The following GRM7 variants were observed in gnomAD, a reference collection of about 807,000 sequenced individuals.
GRM7 encodes glutamate metabotropic receptor 7.
Under a neutral mutation model 84.5 loss-of-function variants are expected in GRM7, and 35 were observed. The ratio of observed to expected loss-of-function variants is 0.41; its 90% CI spans 0.32 to 0.55. The LOEUF (loss-of-function observed/expected upper bound fraction) is 0.55, where lower values mean the gene tolerates loss of function less well. Among genes scored for constraint, GRM7 ranks in the 20% least tolerant of loss-of-function variants. The pLI, the probability that GRM7 is intolerant of heterozygous loss-of-function variation, is 0.19. For missense variants in GRM7, 1,003 were observed against 1,194.6 expected, an observed-to-expected ratio of 0.84 and a Z score of 2.36; for synonymous variants, 487 against 455.1, an observed-to-expected ratio of 1.07 and a Z score of -0.89.
intron 1 of GRM7, among the ~76,000 whole-genome samples, chr3:7,073,574 A>T (rs535577837): frequency 2.4e-4 from 36 of 152,120 alleles, no homozygotes; most frequent in African/African-American, 8.4e-4. Flanking sequence ...CTAAGTGACT[A>T]TTGGAGTTAG....
At chr3:7,250,744 G>A (rs1038561891) in intron 2 of GRM7, among the ~76,000 whole-genome samples, 3 of 151,952 alleles carry the variant, frequency 2.0e-5, no homozygotes, top group Non-Finnish European at 4.4e-5. Context: ...GGCTGGTCTC[G>A]AACTCCTGAC....
At chr3:7,253,012 TAAAA>T (rs539835390) in intron 2 of GRM7, among the ~76,000 whole-genome samples, 2 of 70,808 alleles carry the variant, frequency 2.8e-5, no homozygotes, top group African/African-American at 5.7e-5. Context: ...TGGCTTTTCT[TAAAA>T]AAAAAAAAAA....
chr3:6,926,014 G>C (rs1226880863), intron 1 of GRM7, among the ~76,000 whole-genome samples: 3 of 152,080 alleles, frequency 2.0e-5, no homozygotes, highest in Admixed American at 6.6e-5. Context: ...TGCTCAGACT[G>C]GGATTTCGTG....
chr3:7,290,906 A>G (rs1699596663), intron 2 of GRM7, among the ~76,000 whole-genome samples: 1 of 151,834 alleles, frequency 6.6e-6, no homozygotes, highest in Admixed American at 6.6e-5. Context: ...AAGATCAAGA[A>G]CCCTGTATCT....
intron 1 of GRM7, among the ~76,000 whole-genome samples, chr3:7,095,763 A>AT (rs1423152149): frequency 6.6e-6 from 1 of 151,992 alleles, no homozygotes; most frequent in Non-Finnish European, 1.5e-5. Context: ...ATGTAGCCAT[A>AT]TTTTTTTCTA....
intron 1 of GRM7, among the ~76,000 whole-genome samples, chr3:7,119,753 C>G (rs924585239): frequency 6.6e-6 from 1 of 152,108 alleles, no homozygotes; most frequent in South Asian, 2.1e-4. Flanking sequence ...CATCTATACA[C>G]AAACACTGTT....
rs550187265 is a variant in GRM7, at chr3:7,626,278, A to G, written c.2451+46921A>G. 8.5e-5 allele frequency among the ~76,000 whole-genome samples: 13 copies of G among 152,242 alleles called. No individual in the cohort carries two copies. In the East Asian group the frequency reaches 1.5e-3, roughly 18 times the overall value. On this transcript the variant is annotated intron_variant, in intron 8 of 9. Coordinates refer to ENST00000357716, the MANE Select transcript of GRM7 (RefSeq NM_000844.4). ...TAGCCATTCTAGAAATAGCAGTTCT[A>G]TGGAGTAAGTAGATACATTAAACTT...
At chr3:7,228,854 A>G (rs776374618) in intron 2 of GRM7, among the ~76,000 whole-genome samples, 13 of 152,250 alleles carry the variant, frequency 8.5e-5, no homozygotes, top group Non-Finnish European at 1.6e-4. Context: ...ATGGGAAAGT[A>G]TAATAGCTTT....
At chr3:7,640,925 C>G (rs954610411) in intron 8 of GRM7, among the ~76,000 whole-genome samples, 3 of 152,136 alleles carry the variant, frequency 2.0e-5, no homozygotes, top group African/African-American at 7.2e-5. Flanking sequence ...CCTCTGACAG[C>G]TATTTTTTCC....
chr3:7,408,888 CCTAA>C (rs951091568), intron 4 of GRM7, among the ~76,000 whole-genome samples: 26 of 152,172 alleles, frequency 1.7e-4, no homozygotes, highest in African/African-American at 6.0e-4. Flanking sequence ...ATGTTAAATT[CCTAA>C]CTAAGATTCA....
chr3:7,631,950 T>C (rs1697876518), intron 8 of GRM7, among the ~76,000 whole-genome samples: 1 of 152,160 alleles, frequency 6.6e-6, no homozygotes, highest in South Asian at 2.1e-4. Context: ...GTGGAACTAA[T>C]ATACGTTAGG....
At chr3:6,979,105 C>T (rs570495295) in intron 1 of GRM7, among the ~76,000 whole-genome samples, 5 of 152,016 alleles carry the variant, frequency 3.3e-5, no homozygotes, top group East Asian at 1.9e-4. Flanking sequence ...CAGTAAGTAT[C>T]GACACTAAAA....
intron 7 of GRM7, among the ~76,000 whole-genome samples, chr3:7,476,626 ATTG>A (rs1698932609): frequency 6.6e-6 from 1 of 152,162 alleles, no homozygotes; most frequent in African/African-American, 2.4e-5. Context: ...GACTACTATT[ATTG>A]TTGTTGCTAC....
chr3:6,969,896 C>T (rs1229763969), intron 1 of GRM7, among the ~76,000 whole-genome samples: 1 of 152,152 alleles, frequency 6.6e-6, no homozygotes, highest in Non-Finnish European at 1.5e-5. Context: ...GCTGTGACTG[C>T]AATTGTCAAC....
At chr3:6,930,500 AT>A (rs1161799081) in intron 1 of GRM7, among the ~76,000 whole-genome samples, 3 of 152,148 alleles carry the variant, frequency 2.0e-5, no homozygotes, top group Admixed American at 1.3e-4. Context: ...AGCCTTTATA[AT>A]TTTTTGGTGT....
At chr3:7,475,434 G>A (rs779128578) in intron 7 of GRM7, among the ~76,000 whole-genome samples, 24 of 152,152 alleles carry the variant, frequency 1.6e-4, no homozygotes, top group Non-Finnish European at 2.5e-4. Flanking sequence ...TCAGTTACCC[G>A]ATTCGTGTGC....
At chr3:7,531,959 T>C (rs532593979) in intron 7 of GRM7, among the ~76,000 whole-genome samples, 2 of 152,160 alleles carry the variant, frequency 1.3e-5, no homozygotes, top group African/African-American at 4.8e-5. Flanking sequence ...ATAGCTCTTA[T>C]TATTTTGAGA....
At chr3:7,577,717 C>A (rs1695033456) in intron 7 of GRM7, among the ~76,000 whole-genome samples, 1 of 152,088 alleles carries the variant, frequency 6.6e-6, no homozygotes, top group African/African-American at 2.4e-5. Context: ...GGTTTCCAGA[C>A]CATATTATTT....
intron 4 of GRM7, among the ~76,000 whole-genome samples, chr3:7,393,970 G>T (rs1158696452): frequency 6.6e-6 from 1 of 152,070 alleles, no homozygotes; most frequent in African/African-American, 2.4e-5. Context: ...TCGCACCTTA[G>T]GCACTCTGTA....
Sources: gnomAD v4.1 joint callset for allele counts (sites outside exome capture counted in the v4.1 genomes callset) on GRCh38, gnomAD v4.1.1 for gene constraint, MANE v1.5 for transcripts, NCBI Gene and HGNC (gene_info 2026-07-23, HGNC 2026-07-21) for gene names.